Variants in SLC5A7 observed in about 807,000 individuals in gnomAD.
SLC5A7 encodes solute carrier family 5 member 7.
SLC5A7 carries 19 observed loss-of-function variants against 55.4 expected under a neutral mutation model. That is an observed-to-expected ratio of 0.34 (90% CI 0.24 to 0.50). The LOEUF is 0.50. SLC5A7 is among the 20% of genes least tolerant of loss of function. SLC5A7 has a pLI of 0.98. For missense variants in SLC5A7, 506 were observed against 705.3 expected (o/e 0.72, Z 3.20); for synonymous variants, 265 against 263.7 (o/e 1.00, Z -0.05).
chr2:107,997,123 T>G (rs1050632547), intron 4 of SLC5A7, among the ~76,000 whole-genome samples: 1 of 152,218 alleles, frequency 6.6e-6, no homozygotes, highest in Non-Finnish European at 1.5e-5. Flanking sequence ...CTTGTGTTTT[T>G]CATAGATGTG....
intron 1 of SLC5A7, among the ~76,000 whole-genome samples, chr2:107,987,162 A>C (rs1486891643): frequency 6.6e-6 from 1 of 152,044 alleles, no homozygotes; most frequent in East Asian, 1.9e-4. Context: ...AGTTTCCCCC[A>C]GAAACTTGTA....
chr2:107,988,515 G>A (rs1202433266), intron 2 of SLC5A7, among the ~76,000 whole-genome samples, 182 bp downstream of exon 2: 2 of 151,992 alleles, frequency 1.3e-5, no homozygotes, highest in Non-Finnish European at 2.9e-5. Context: ...AAAATAAATT[G>A]GTTTCAACTC....
intron 2 of SLC5A7, among the ~76,000 whole-genome samples, chr2:107,988,998 T>A (rs919492481): frequency 6.6e-5 from 10 of 152,228 alleles, no homozygotes; most frequent in African/African-American, 1.9e-4. Flanking sequence ...CAGGCCACCA[T>A]CTGCAGTCAT....
At position 108,003,092 on chromosome 2, in the gene SLC5A7, G is replaced by A. The variant is rs532460809; in HGVS notation, c.741+1052G>A. The stretch of plus-strand genomic sequence containing the variant: ...AAAAATATGTTTCCAGTAGTGGACT[G>A]GAGGGCTTCTTTGCCTAAGGATTGT... On this transcript the variant is annotated intron_variant, in intron 6 of 8. Coordinates refer to ENST00000264047, the MANE Select transcript of SLC5A7 (RefSeq NM_021815.5). Among the ~76,000 whole-genome samples, 4 of 152,256 alleles carry A rather than the reference G, an allele frequency of 2.6e-5. No homozygotes were observed. In the South Asian group the frequency reaches 8.3e-4, roughly 32 times the overall value.
chr2:107,998,104 G>A, intron 5 of SLC5A7, 118 bp downstream of exon 5: 1 of 965,510 alleles, frequency 1.0e-6, no homozygotes, highest in East Asian at 2.9e-5. Flanking sequence ...TACATACTAA[G>A]TCACATACAT....
intron 2 of SLC5A7, 138 bp downstream of exon 2, chr2:107,988,471 A>G (rs1027667441): frequency 2.8e-5 from 17 of 597,936 alleles, no homozygotes; most frequent in Non-Finnish European, 4.1e-5. Context: ...AGTTATATAT[A>G]TTTTAAAATA....
chr2:107,987,044 G>A (rs954506876), intron 1 of SLC5A7, among the ~76,000 whole-genome samples: 3 of 151,996 alleles, frequency 2.0e-5, no homozygotes, highest in African/African-American at 7.3e-5. Context: ...TGCTCACAAA[G>A]GCAGAGAAGA....
In SLC5A7 at chr2:107,988,256, G is replaced by T; in HGVS notation, c.101G>T (p.Ser34Ile). 1.2e-6 allele frequency: 2 copies of T among 1,614,180 alleles called. No individual in the cohort carries two copies. Among genetic ancestry groups the T allele is most frequent in the African/African-American group, 2.7e-5 (2 of 75,058 alleles). The change falls in exon 2 of 9, where the codon AGC becomes ATC. Residue 34 changes from serine (S) to isoleucine (I), a missense_variant. By Grantham distance (142) the Ser-to-Ile change is moderately radical. This residue lies in a region of SLC5A7 where 56 missense variants were observed against 62.6 expected (regional missense o/e 0.89). Coordinates refer to ENST00000264047, the MANE Select transcript of SLC5A7 (RefSeq NM_021815.5). ...WAAWRTKNSG[S>I]AEERSEAIIV... is the part of the protein sequence containing the mutation. ...GCCTGGAGAACCAAAAACAGTGGCA[G>T]CGCAGAAGAGCGCAGCGAAGCCATC...
intron 4 of SLC5A7, among the ~76,000 whole-genome samples, chr2:107,995,479 G>C (rs868667580): frequency 0.03 from 4,503 of 151,364 alleles, 81 homozygotes; most frequent in Non-Finnish European, 0.041. Flanking sequence ...GAGTGTGTGT[G>C]TGTGTGTGTG....
chr2:107,990,472 G>A (rs1677412858), intron 2 of SLC5A7, among the ~76,000 whole-genome samples: 1 of 151,734 alleles, frequency 6.6e-6, no homozygotes, highest in South Asian at 2.1e-4. Context: ...TTTTCTGCCT[G>A]TAAGAATTCA....
rs916584916 is a variant in SLC5A7, at chr2:108,012,914, C to T, written c.*2053C>T. 6.6e-5 allele frequency: 10 copies of T among 152,136 alleles called. No individual in the cohort carries two copies. The highest frequency in any genetic ancestry group is 1.7e-4 in the African/African-American group (7 of 41,422). The allele number at this position is 152,136 out of a possible 1,614,324, so 9.4% of individuals were successfully genotyped here. On this transcript the variant is annotated 3_prime_UTR_variant, in exon 9 of 9. Transcript: ENST00000264047. ...CCATTATTCCAGATGCACCATGCTA[C>T]CCAGCATGCTACCTGAATGGCGGTT...
chr2:108,004,310 A>T (rs1056237815), intron 6 of SLC5A7, among the ~76,000 whole-genome samples: 4 of 152,208 alleles, frequency 2.6e-5, no homozygotes, highest in Admixed American at 1.3e-4. Flanking sequence ...TCACAGAATG[A>T]AAGGAAAAGG....
At position 107,998,396 on chromosome 2, in the gene SLC5A7, G is replaced by T. The variant is rs1029455677; in HGVS notation, c.597+410G>T. Among the ~76,000 whole-genome samples, 6 of 152,106 alleles carry T rather than the reference G, an allele frequency of 3.9e-5. No individual in the cohort carries two copies. In the East Asian group the frequency reaches 9.6e-4, roughly 24 times the overall value. ...AAGAATGCTCATAAGACATAGAAAT[G>T]ATCCCATTGGAAAACTGTGGATTTC... On this transcript the variant is annotated intron_variant, in intron 5 of 8. Coordinates refer to ENST00000264047, the MANE Select transcript of SLC5A7 (RefSeq NM_021815.5).
At chr2:107,998,879 C>A (rs932655142) in intron 5 of SLC5A7, among the ~76,000 whole-genome samples, 15 of 152,226 alleles carry the variant, frequency 9.9e-5, no homozygotes, top group Admixed American at 6.5e-4. Context: ...ATTTATCTTA[C>A]AATTTAAAGC....
chr2:107,988,734 A>G (rs1270848684), intron 2 of SLC5A7, among the ~76,000 whole-genome samples: 1 of 152,164 alleles, frequency 6.6e-6, no homozygotes, highest in East Asian at 1.9e-4. Flanking sequence ...TACATGCATA[A>G]AGTTGTGACT....
At chr2:108,007,512 G>A (rs1347280564) in intron 7 of SLC5A7, among the ~76,000 whole-genome samples, 1 of 151,978 alleles carries the variant, frequency 6.6e-6, no homozygotes, top group Non-Finnish European at 1.5e-5. Flanking sequence ...GTCTGTGTGT[G>A]TGTGTTTATT....
intron 6 of SLC5A7, among the ~76,000 whole-genome samples, chr2:108,005,313 T>C (rs1176321305): frequency 1.3e-5 from 2 of 152,154 alleles, no homozygotes; most frequent in African/African-American, 2.4e-5. Context: ...TGGCACATGA[T>C]TGGAGTGTAT....
intron 2 of SLC5A7, among the ~76,000 whole-genome samples, chr2:107,991,604 T>A (rs1368552638): frequency 6.6e-6 from 1 of 152,120 alleles, no homozygotes; most frequent in Admixed American, 6.5e-5. Flanking sequence ...GATGCATGTG[T>A]ACACACATGT....
chr2:108,006,225 A>G (rs747966306), intron 7 of SLC5A7, 23 bp downstream of exon 7: 1 of 1,612,794 alleles, frequency 6.2e-7, no homozygotes, highest in Non-Finnish European at 8.5e-7. Context: ...CAGCTTCACC[A>G]CATGTGCCAG....
Sources: gnomAD v4.1 joint callset for allele counts (sites outside exome capture counted in the v4.1 genomes callset) on GRCh38, gnomAD v4.1.1 for gene constraint, gnomAD v4.1.1 regional missense constraint, MANE v1.5 for transcripts, NCBI Gene and HGNC (gene_info 2026-07-23, HGNC 2026-07-21) for gene names.